TNFAIP3: variants seen among roughly 807,000 people sequenced by gnomAD.
TNFAIP3 encodes tumor necrosis factor alpha-induced protein 3.
Under a neutral mutation model 72.4 loss-of-function variants are expected in TNFAIP3, and 9 were observed. That is an observed-to-expected ratio of 0.12 (90% CI 0.07 to 0.22). The LOEUF is 0.22. Ranked by LOEUF, TNFAIP3 falls within the 10% of genes least tolerant of loss-of-function variation. The pLI is 1.00. For missense variants in TNFAIP3, 833 were observed against 1,018.7 expected, an observed-to-expected ratio of 0.82 and a Z score of 2.48; for synonymous variants, 339 against 372.6, an observed-to-expected ratio of 0.91 and a Z score of 1.04.
chr6:137,875,070 C>A (rs1443560121), intron 3 of TNFAIP3, 35 bp downstream of exon 3: 1 of 1,611,386 alleles, frequency 6.2e-7, no homozygotes, highest in Non-Finnish European at 8.5e-7. Flanking sequence ...ACTAACAGAG[C>A]TCCATGGTGG....
intron 5 of TNFAIP3, among the ~76,000 whole-genome samples, 187 bp from the exon 6 acceptor site, chr6:137,876,889 C>G (rs982724421): frequency 6.6e-6 from 1 of 152,144 alleles, no homozygotes; most frequent in African/African-American, 2.4e-5. Flanking sequence ...TGTGAGTTTC[C>G]TGGAAACAGT....
At chr6:137,875,864 A>T (rs2114483698) in intron 4 of TNFAIP3, 29 bp downstream of exon 4, 2 of 1,613,712 alleles carry the variant, frequency 1.2e-6, no homozygotes, top group Non-Finnish European at 1.7e-6. Context: ...ACGGATCTGT[A>T]CTTAAATGCT....
rs1161231009 is a variant in TNFAIP3, at chr6:137,871,090, C to A, written c.-15-123C>A. On this transcript the variant is annotated intron_variant, in intron 1 of 8. Transcript: ENST00000612899. The surrounding 1 kb of genome is among the most constrained non-coding windows in gnomAD (Gnocchi z 4.2). Reference sequence around the variant, plus strand: ...ATCCCGGGAGTAGAGGTGCTAAGATCTTTTGCCTACAGATCAGGGTAATGA... The same window carrying A: ...ATCCCGGGAGTAGAGGTGCTAAGATATTTTGCCTACAGATCAGGGTAATGA... 4 of 852,834 alleles carry A rather than the reference C, an allele frequency of 4.7e-6. No individual in the cohort carries two copies. The highest frequency in any genetic ancestry group is 5.7e-5 in the Admixed American group (2 of 34,788). The allele number at this position is 852,834 out of a possible 1,614,324, so 52.8% of individuals were successfully genotyped here. A position where few individuals can be genotyped will look rare whatever the true frequency, so the allele number is the denominator to read the frequency against.
chr6:137,868,699 TA>T lies in TNFAIP3; in HGVS notation c.-16+1169del, dbSNP rs5880363. On this transcript the variant is annotated intron_variant, in intron 1 of 8. Coordinates refer to ENST00000612899, the MANE Select transcript of TNFAIP3 (RefSeq NM_001270508.2). Reference sequence around the variant, plus strand: ...AATAAGACAGTGAGGTAACAAATGTTAAAAAAAAAAAAGTTAAGGGTAATAT... The same window carrying T: ...AATAAGACAGTGAGGTAACAAATGTTAAAAAAAAAAAGTTAAGGGTAATAT... Among the ~76,000 whole-genome samples, 401 of 148,648 alleles carry T rather than the reference TA, an allele frequency of 2.7e-3. 5 individuals carry two copies. The highest frequency in any genetic ancestry group is 8.7e-3 in the African/African-American group (350 of 40,426).
Position 137,871,664 on chromosome 6 carries a change from A to T in TNFAIP3, c.295+142A>T. 1.1e-6 allele frequency: 1 copy of T among 904,020 alleles called. No individual in the cohort carries two copies. The highest frequency in any genetic ancestry group is 2.6e-5 in the East Asian group (1 of 38,996). 56.0% of individuals were successfully genotyped at this position (904,020 alleles called of 1,614,324 possible). On this transcript the variant is annotated intron_variant, in intron 2 of 8. Transcript: ENST00000612899. This position sits in a 1 kb window ranked among gnomAD's most constrained non-coding sequence, Gnocchi z 4.2. ...ATTGAGACCTTTATATAGAATCTCT[A>T]TTCGGGGTATGTGATAATAGCAGAC...
intron 6 of TNFAIP3, among the ~76,000 whole-genome samples, chr6:137,877,918 AG>A (rs3834310): frequency 0.071 from 10,851 of 152,280 alleles, 707 homozygotes; most frequent in African/African-American, 0.18. Context: ...AGCGCCTTTG[AG>A]TGTGTCTGCG....
chr6:137,867,524 C>T lies in TNFAIP3; in HGVS notation c.-34C>T, dbSNP rs1015908589. On this transcript the variant is annotated 5_prime_UTR_variant, in exon 1 of 9. Transcript: ENST00000612899. The surrounding 1 kb of genome is among the most constrained non-coding windows in gnomAD (Gnocchi z 6.0). ...CCGCCGCGCCTCCCGGAGAGGTAAC[C>T]GCCGCGCCTCCCGGAGAGGTAACCG... 2.0e-5 allele frequency: 3 copies of T among 153,268 alleles called. No individual in the cohort carries two copies. Among genetic ancestry groups the T allele is most frequent in the Non-Finnish European group, 1.5e-5 (1 of 68,894 alleles). 9.5% of individuals were successfully genotyped at this position (153,268 alleles called of 1,614,324 possible). A position where few individuals can be genotyped will look rare whatever the true frequency, so the allele number is the denominator to read the frequency against.
intron 2 of TNFAIP3, among the ~76,000 whole-genome samples, chr6:137,873,957 T>C (rs911055385): frequency 6.6e-6 from 1 of 152,192 alleles, no homozygotes; most frequent in Non-Finnish European, 1.5e-5. Flanking sequence ...CCAAAGGAGA[T>C]TAAGGAGTTA....
At position 137,878,142 on chromosome 6, in the gene TNFAIP3, C is replaced by G. The variant is rs528034883; in HGVS notation, c.987-290C>G. ...TTCTTAGCCCTTGTTTTAGAACTAT[C>G]TATAATTTTTGGATGGACCAAGATT... On this transcript the variant is annotated intron_variant, in intron 6 of 8. Coordinates refer to ENST00000612899, the MANE Select transcript of TNFAIP3 (RefSeq NM_001270508.2). Among the ~76,000 whole-genome samples the G allele has an allele frequency of 3.9e-5, 6 of 152,322 alleles. No homozygotes were observed. The East Asian group carries it at 9.6e-4, about 24-fold the overall frequency.
In TNFAIP3 at chr6:137,879,443, T is replaced by C. The variant is rs916674440; in HGVS notation, c.1906+92T>C. 8.4e-6 allele frequency: 12 copies of C among 1,426,130 alleles called. No homozygotes were observed. The South Asian group carries it at 1.3e-4, about 15-fold the overall frequency. The allele number at this position is 1,426,130 out of a possible 1,614,324, so 88.3% of individuals were successfully genotyped here. A position where few individuals can be genotyped will look rare whatever the true frequency, so the allele number is the denominator to read the frequency against. ...TAAGAAAAAAAGCCCATGTAGGCAG[T>C]CAGGCAGAACTGTCAGGACCTACCG... On this transcript the variant is annotated intron_variant, in intron 7 of 8. Coordinates refer to ENST00000612899, the MANE Select transcript of TNFAIP3 (RefSeq NM_001270508.2).
Position 137,876,165 on chromosome 6 carries a change from T to G in TNFAIP3, c.804T>G (p.Pro268=). ...TGGTGACCCTGAAGGACAGTGGGCCTGGTGAGAAAACTGCATTAATTCACA... is the reference window on the plus strand; with the variant it reads ...TGGTGACCCTGAAGGACAGTGGGCCGGGTGAGAAAACTGCATTAATTCACA... The part of the protein sequence containing the change: ...VPLVTLKDSG[P]EIRAVPLVNR... Residue 268 remains proline, a splice_region_variant and synonymous_variant, in exon 5 of 9, where the codon CCT becomes CCG. Transcript: ENST00000612899. 2 of 1,608,192 alleles carry G rather than the reference T, an allele frequency of 1.2e-6. No individual in the cohort carries two copies. The highest frequency in any genetic ancestry group is 1.7e-6 in the Non-Finnish European group (2 of 1,178,158).
intron 3 of TNFAIP3, 100 bp downstream of exon 3, chr6:137,875,135 GT>G: frequency 7.2e-7 from 1 of 1,395,018 alleles, no homozygotes; most frequent in Non-Finnish European, 1.0e-6. Context: ...GATGGACTAG[GT>G]CACATGAATT....
chr6:137,881,381 G>T lies in TNFAIP3; in HGVS notation c.*62G>T. On this transcript the variant is annotated 3_prime_UTR_variant, in exon 9 of 9. Transcript: ENST00000612899. The surrounding 1 kb of genome is among the most constrained non-coding windows in gnomAD (Gnocchi z 5.0). ...GCCTCGAGCTGTCAGTCATCATGGTGCTATCCTCTGAACCCCTCAGCTGCC... is the reference window on the plus strand; with the variant it reads ...GCCTCGAGCTGTCAGTCATCATGGTTCTATCCTCTGAACCCCTCAGCTGCC... The T allele has an allele frequency of 6.9e-7, 1 of 1,452,664 alleles. No homozygotes were observed. The highest frequency in any genetic ancestry group is 1.3e-5 in the South Asian group (1 of 74,476). 90.0% of individuals were successfully genotyped at this position (1,452,664 alleles called of 1,614,324 possible).
Position 137,881,382 on chromosome 6 carries a change from C to G in TNFAIP3, c.*63C>G. ...CCTCGAGCTGTCAGTCATCATGGTGCTATCCTCTGAACCCCTCAGCTGCCA... is the reference window on the plus strand; with the variant it reads ...CCTCGAGCTGTCAGTCATCATGGTGGTATCCTCTGAACCCCTCAGCTGCCA... On this transcript the variant is annotated 3_prime_UTR_variant, in exon 9 of 9. Transcript: ENST00000612899. The surrounding 1 kb of genome is among the most constrained non-coding windows in gnomAD (Gnocchi z 5.0). 1.4e-6 allele frequency: 2 copies of G among 1,449,390 alleles called. No homozygotes were observed. Among genetic ancestry groups the G allele is most frequent in the Non-Finnish European group, 1.9e-6 (2 of 1,071,820 alleles). 89.8% of individuals were successfully genotyped at this position (1,449,390 alleles called of 1,614,324 possible).
chr6:137,875,681 C>G lies in TNFAIP3; in HGVS notation c.487-7C>G. The G allele has an allele frequency of 6.2e-7, 1 of 1,613,658 alleles. No homozygotes were observed. The highest frequency in any genetic ancestry group is 8.5e-7 in the Non-Finnish European group (1 of 1,179,852). ...TTCAAGCTTTTTTTTCACCCCGCTCCCCTTAGAACTGGAATGATGAATGGG... is the reference window on the plus strand; with the variant it reads ...TTCAAGCTTTTTTTTCACCCCGCTCGCCTTAGAACTGGAATGATGAATGGG... On this transcript the variant is annotated splice_polypyrimidine_tract_variant and splice_region_variant and intron_variant, in intron 3 of 8. Transcript: ENST00000612899.
Position 137,879,154 on chromosome 6 carries a change from T to G in TNFAIP3, c.1709T>G (p.Leu570Arg), listed in dbSNP as rs1776356342. The G allele has an allele frequency of 1.2e-6, 2 of 1,613,928 alleles. No individual in the cohort carries two copies. Among genetic ancestry groups the G allele is most frequent in the African/African-American group, 2.7e-5 (2 of 74,888 alleles). ...HQRSKSDPSR[L>R]VRSPSPHSCH... Reference sequence around the variant, plus strand: ...CGTTCCAAGTCAGATCCCTCGCGGCTCGTCCGGAGCCCCTCCCCGCATTCT... The same window carrying G: ...CGTTCCAAGTCAGATCCCTCGCGGCGCGTCCGGAGCCCCTCCCCGCATTCT... The change falls in exon 7 of 9, where the codon CTC becomes CGC. Residue 570 changes from leucine to arginine, a missense_variant. This residue lies in a region of TNFAIP3 where 587 missense variants were observed against 657.8 expected (regional missense o/e 0.89). Transcript: ENST00000612899.
upstream of TNFAIP3, chr6:137,866,626 T>A (rs1392188091): frequency 5.9e-5 from 9 of 152,442 alleles, no homozygotes; most frequent in East Asian, 1.7e-3. Context: ...GGGACCTACG[T>A]CTCATGCAGC....
rs549044662 is a variant in TNFAIP3 at position 137,879,515 on chromosome 6, A to G, written c.1906+164A>G. The stretch of plus-strand genomic sequence containing the variant: ...AGGGGACAGTCACGGTGGCCCTGCC[A>G]GCCGCCCATGGAGGCAAAAGGCACT... On this transcript the variant is annotated intron_variant, in intron 7 of 8. Transcript: ENST00000612899. Among the ~76,000 whole-genome samples, 17 of 152,360 alleles carry G rather than the reference A, an allele frequency of 1.1e-4. No homozygotes were observed. In the East Asian group the frequency reaches 3.3e-3, roughly 29 times the overall value.
chr6:137,874,542 C>T (rs1278996089), intron 2 of TNFAIP3, among the ~76,000 whole-genome samples: 1 of 152,192 alleles, frequency 6.6e-6, no homozygotes, highest in Non-Finnish European at 1.5e-5. Context: ...GCCCAGTGAA[C>T]TTAAGGAATT....
Sources: allele counts gnomAD v4.1 joint callset (sites outside exome capture counted in the v4.1 genomes callset), GRCh38; gene constraint gnomAD v4.1.1; regional missense constraint gnomAD v4.1.1; non-coding constraint Gnocchi (gnomAD v3.1); transcripts MANE v1.5; gene names NCBI Gene and HGNC (gene_info 2026-07-23, HGNC 2026-07-21).